INTS9: variants seen among roughly 807,000 people sequenced by gnomAD.
The protein encoded by INTS9 is protein related to CPSF subunits of 74 kDa.
A neutral mutation model predicts 79.7 loss-of-function variants in INTS9; 55 were observed. That is an observed-to-expected ratio of 0.69 (90% confidence interval 0.56 to 0.86). The LOEUF (loss-of-function observed/expected upper bound fraction) is 0.86, where lower values mean the gene tolerates loss of function less well. Ranked by LOEUF, INTS9 falls within the 40% of genes least tolerant of loss-of-function variation. The pLI, the probability that INTS9 is intolerant of heterozygous loss-of-function variation, is 0.00. For synonymous variants in INTS9, 319 were observed against 325.2 expected (o/e 0.98, Z 0.20); for missense variants, 721 against 831.5 (o/e 0.87, Z 1.64).
intron 4 of INTS9, among the ~76,000 whole-genome samples, chr8:28,839,708 T>C (rs1230792505): frequency 1.3e-5 from 2 of 152,284 alleles, no homozygotes; most frequent in Admixed American, 6.5e-5. Context: ...CACTATTTAA[T>C]AAATGGTGCT....
At chr8:28,831,420 G>T (rs372944651) in intron 6 of INTS9, among the ~76,000 whole-genome samples, 4 of 152,182 alleles carry the variant, frequency 2.6e-5, no homozygotes, top group African/African-American at 7.2e-5. Flanking sequence ...GTTTACCTAT[G>T]TAACAAAACT....
intron 10 of INTS9, among the ~76,000 whole-genome samples, chr8:28,791,272 T>C (rs1803903962): frequency 6.6e-6 from 1 of 152,158 alleles, no homozygotes; most frequent in Non-Finnish European, 1.5e-5. Context: ...ATAATCATGT[T>C]CATTTCCTGC....
intron 10 of INTS9, 61 bp from the exon 11 acceptor site, chr8:28,787,950 AC>A: frequency 3.6e-5 from 41 of 1,154,136 alleles, no homozygotes; most frequent in Non-Finnish European, 4.7e-5. Flanking sequence ...ATCTGTTGCC[AC>A]CTAGTGGCAG....
At chr8:28,876,376 T>A (rs1052660417) in intron 1 of INTS9, among the ~76,000 whole-genome samples, 1 of 152,190 alleles carries the variant, frequency 6.6e-6, no homozygotes, top group African/African-American at 2.4e-5. Flanking sequence ...CAAGATATAA[T>A]TAACTGCCTA....
intron 1 of INTS9, among the ~76,000 whole-genome samples, chr8:28,867,419 C>CAA (rs199758511): frequency 8.3e-5 from 12 of 144,480 alleles, no homozygotes; most frequent in African/African-American, 3.1e-4. Flanking sequence ...ACTCCGTCTA[C>CAA]AAAAAAAAAT....
intron 13 of INTS9, chr8:28,776,149 T>G: frequency 2.3e-6 from 1 of 439,950 alleles, no homozygotes; most frequent in Non-Finnish European, 4.0e-6. Context: ...CTGCCTCAGC[T>G]TAATTTATCT....
rs1476215196 is a variant in INTS9 at position 28,780,836 on chromosome 8, G to A, written c.1257C>T (p.Thr419=). The A allele has an allele frequency of 6.8e-6, 11 of 1,613,974 alleles. No homozygotes were observed. Among genetic ancestry groups the A allele is most frequent in the Non-Finnish European group, 9.3e-6 (11 of 1,179,992 alleles). Residue 419 remains threonine (T), a synonymous_variant, in exon 12 of 17, where the codon ACC becomes ACT. Transcript: ENST00000521022. The part of the protein sequence containing the change: ...MELWGKSSLN[T]VIFTEPDFSY... ...TTTTTCACTTACCCGTGAATATGAC[G>A]GTATTGAGACTAGATTTTCCCCAGA...
intron 4 of INTS9, among the ~76,000 whole-genome samples, chr8:28,843,046 C>T (rs543369144): frequency 2.0e-5 from 3 of 152,270 alleles, no homozygotes; most frequent in African/African-American, 7.2e-5. Context: ...GTGCATTGTC[C>T]AATACTGAAA....
At chr8:28,784,839 C>T (rs980868248) in intron 11 of INTS9, among the ~76,000 whole-genome samples, 3 of 152,200 alleles carry the variant, frequency 2.0e-5, no homozygotes, top group African/African-American at 4.8e-5. Context: ...TCTACACACC[C>T]GATTCAGACT....
chr8:28,845,976 C>G (rs1215790109), intron 4 of INTS9, among the ~76,000 whole-genome samples: 2 of 152,190 alleles, frequency 1.3e-5, no homozygotes, highest in Non-Finnish European at 2.9e-5. Context: ...ATCAGAGAAA[C>G]TGCACTCCAA....
At position 28,868,795 on chromosome 8, in the gene INTS9, T is replaced by C. The variant is rs534776686; in HGVS notation, c.10-9232A>G. On this transcript the variant is annotated intron_variant, in intron 1 of 16. Transcript: ENST00000521022. ...ACCTGTCACCAACACGTTTGTGACA[T>C]TGTGCTCTTTATAACTGACTTTCTG... Among the ~76,000 whole-genome samples the C allele has an allele frequency of 2.0e-5, 3 of 152,314 alleles. No individual in the cohort carries two copies. In the South Asian group the frequency reaches 6.2e-4, roughly 32 times the overall value.
intron 13 of INTS9, 87 bp from the exon 14 acceptor site, chr8:28,776,013 C>A (rs1467487982): frequency 6.5e-6 from 7 of 1,074,718 alleles, no homozygotes; most frequent in African/African-American, 1.7e-5. Flanking sequence ...GATCCACTCC[C>A]CGCCATTACA....
chr8:28,795,582 G>C (rs149821660), intron 9 of INTS9, among the ~76,000 whole-genome samples: 1,917 of 143,398 alleles, frequency 0.013, 45 homozygotes, highest in African/African-American at 0.047. Flanking sequence ...GGAGGTTGCA[G>C]TGAGCCAAGA....
At chr8:28,814,284 TCACACA>T (rs60850682) in intron 6 of INTS9, among the ~76,000 whole-genome samples, 32,718 of 133,974 alleles carry the variant, frequency 0.24, 4,223 homozygotes, top group South Asian at 0.38. Flanking sequence ...ACAGGGCTTC[TCACACA>T]CACACACACA....
At chr8:28,831,002 A>G (rs1052035940) in intron 6 of INTS9, among the ~76,000 whole-genome samples, 1 of 152,246 alleles carries the variant, frequency 6.6e-6, no homozygotes, top group African/African-American at 2.4e-5. Context: ...ATAAAGATAC[A>G]TGCAAGTGTA....
chr8:28,830,492 T>C (rs1806416874), intron 6 of INTS9, among the ~76,000 whole-genome samples: 1 of 151,900 alleles, frequency 6.6e-6, no homozygotes, highest in Non-Finnish European at 1.5e-5. Context: ...GGCATGGTGG[T>C]GGGCATCTCT....
chr8:28,818,812 T>C lies in INTS9; in HGVS notation c.489-5200A>G, dbSNP rs1375775594. On this transcript the variant is annotated intron_variant, in intron 6 of 16. Transcript: ENST00000521022. ...TCTTTTTGGTTGGTAAGCTATTGAT[T>C]ATTGCCACAATTTCAGAGCCTGTTA... 1.5e-3 allele frequency among the ~76,000 whole-genome samples: 227 copies of C among 152,006 alleles called. 1 individual carries two copies. Among genetic ancestry groups the C allele is most frequent in the African/African-American group, 5.2e-3 (215 of 41,458 alleles).
intron 1 of INTS9, among the ~76,000 whole-genome samples, chr8:28,864,104 AGGTCAAGGCAGGAGGATAACTTAAG>A (rs1808600911): frequency 6.6e-6 from 1 of 152,228 alleles, no homozygotes; most frequent in East Asian, 1.9e-4. Context: ...GCACACTGGG[AGGTCAAGGCAGGAGGATAACTTAAG>A]GCCAAGAGTT....
At chr8:28,793,228 T>C (rs747903568) in intron 10 of INTS9, among the ~76,000 whole-genome samples, 19 of 152,316 alleles carry the variant, frequency 1.2e-4, no homozygotes, top group Middle Eastern at 3.4e-3. Context: ...ACTGGGGATA[T>C]TGTAAAAGTT....
Sources: gnomAD v4.1 joint callset for allele counts (sites outside exome capture counted in the v4.1 genomes callset) on GRCh38, gnomAD v4.1.1 for gene constraint, MANE v1.5 for transcripts, NCBI Gene and HGNC (gene_info 2026-07-23, HGNC 2026-07-21) for gene names.